The following USP34 variants were observed in gnomAD, a reference collection of about 807,000 sequenced individuals.
USP34 encodes the protein ubiquitin specific peptidase 34.
In USP34, 70 loss-of-function variants were observed where a neutral mutation model predicts 460.3. The observed-to-expected ratio is 0.15, with a 90% CI of 0.13 to 0.19. The LOEUF (loss-of-function observed/expected upper bound fraction) is 0.19. Among genes scored for constraint, USP34 ranks in the 10% least tolerant of loss-of-function variants. USP34 has a pLI of 1.00. For missense variants in USP34, 3,985 were observed against 4,236.2 expected, an observed-to-expected ratio of 0.94 and a Z score of 1.65; for synonymous variants, 1,647 against 1,405.3, an observed-to-expected ratio of 1.17 and a Z score of -3.85.
At chr2:61,290,308 A>C (rs1689812052) in intron 33 of USP34, among the ~76,000 whole-genome samples, 1 of 152,186 alleles carries the variant, frequency 6.6e-6, no homozygotes, top group Non-Finnish European at 1.5e-5. Flanking sequence ...TCTTACACTT[A>C]CCATATTATT....
chr2:61,262,088 C>CAAAAAAAA (rs61651654), intron 43 of USP34, among the ~76,000 whole-genome samples: 4 of 46,826 alleles, frequency 8.5e-5, no homozygotes, highest in African/African-American at 2.1e-4. Context: ...AAGACTTCGT[C>CAAAAAAAA]AAAAAAAAAA....
intron 53 of USP34, among the ~76,000 whole-genome samples, chr2:61,237,927 G>A (rs1056003598): frequency 4.7e-5 from 7 of 149,938 alleles, no homozygotes; most frequent in Admixed American, 2.0e-4. Flanking sequence ...GACAAGTTTC[G>A]TTCTTGTTGC....
chr2:61,222,506 T>G, intron 65 of USP34, 113 bp downstream of exon 65: 1 of 745,938 alleles, frequency 1.3e-6, no homozygotes, highest in Non-Finnish European at 2.2e-6. Context: ...TAGGTTATTA[T>G]GTTATGGGAG....
intron 53 of USP34, among the ~76,000 whole-genome samples, chr2:61,240,874 G>A (rs1212117065): frequency 1.3e-5 from 2 of 152,136 alleles, no homozygotes; most frequent in Non-Finnish European, 2.9e-5. Flanking sequence ...GCGCCTGGGT[G>A]TAAAATACAT....
At chr2:61,214,737 A>C (rs372453904) in intron 67 of USP34, 43 bp from the exon 68 acceptor site, 1 of 1,596,770 alleles carries the variant, frequency 6.3e-7, no homozygotes, top group East Asian at 2.2e-5. Context: ...TGTAAGATAT[A>C]AAATAGACTG....
At chr2:61,392,654 C>A (rs2103896104) in intron 5 of USP34, among the ~76,000 whole-genome samples, 1 of 152,128 alleles carries the variant, frequency 6.6e-6, no homozygotes, top group Non-Finnish European at 1.5e-5. Flanking sequence ...GAAGAAAAAA[C>A]CCTGTAAACG....
chr2:61,331,521 G>A, intron 19 of USP34, 150 bp from the exon 20 acceptor site: 2 of 545,986 alleles, frequency 3.7e-6, no homozygotes, highest in East Asian at 3.2e-5. Context: ...ATATTTGAAT[G>A]GTGAAAAGAT....
At chr2:61,189,268 T>G (rs374235894) in intron 78 of USP34, 199 bp from the exon 79 acceptor site, 26 of 541,836 alleles carry the variant, frequency 4.8e-5, no homozygotes, top group African/African-American at 1.8e-4. Flanking sequence ...TGTTTTTTTT[T>G]TTTGTTTTGT....
chr2:61,263,589 C>G (rs1168022974), intron 43 of USP34, among the ~76,000 whole-genome samples: 1 of 151,948 alleles, frequency 6.6e-6, no homozygotes, highest in East Asian at 1.9e-4. Flanking sequence ...TCAAGGGATT[C>G]TCCTGCCTCA....
At chr2:61,445,845 G>A (rs117948805) in intron 1 of USP34, among the ~76,000 whole-genome samples, 1 of 151,960 alleles carries the variant, frequency 6.6e-6, no homozygotes, top group East Asian at 1.9e-4. Flanking sequence ...CTACTCGGGA[G>A]CCTGAGGCAG....
At chr2:61,202,443 G>A (rs1687003132) in intron 75 of USP34, among the ~76,000 whole-genome samples, 2 of 152,128 alleles carry the variant, frequency 1.3e-5, no homozygotes, top group Admixed American at 1.3e-4. Context: ...TGAGATAGAG[G>A]ACCTCTGGAG....
At chr2:61,220,174 A>AG in intron 67 of USP34, 136 bp downstream of exon 67, 1 of 385,988 alleles carries the variant, frequency 2.6e-6, no homozygotes, top group Non-Finnish European at 3.9e-6. Flanking sequence ...AAAAAAAAAA[A>AG]AAAAAAAAGG....
chr2:61,331,454 C>G, intron 19 of USP34, 83 bp from the exon 20 acceptor site: 2 of 1,118,684 alleles, frequency 1.8e-6, no homozygotes, highest in South Asian at 2.3e-5. Flanking sequence ...ATATGCAAAT[C>G]TAAAAAAAAT....
chr2:61,296,824 T>C lies in USP34; in HGVS notation c.4230A>G (p.Ala1410=). The C allele has an allele frequency of 1.2e-6, 2 of 1,613,150 alleles. No homozygotes were observed. The highest frequency in any genetic ancestry group is 1.7e-6 in the Non-Finnish European group (2 of 1,179,660). The part of the protein sequence containing the change: ...LLPTCPNMLM[A]FQNISDEQSN... The stretch of plus-strand genomic sequence containing the variant: ...CCTGCTCATCTGAGATATTCTGGAA[T>C]GCCATCAACATATTAGGACATGTAG... The change falls in exon 30 of 80, where the codon GCA becomes GCG. Residue 1410 remains alanine, a synonymous_variant. Coordinates refer to ENST00000398571, the MANE Select transcript of USP34 (RefSeq NM_014709.4).
intron 41 of USP34, chr2:61,277,744 A>T (rs995680589): frequency 1.3e-5 from 2 of 156,884 alleles, no homozygotes; most frequent in African/African-American, 4.8e-5. Flanking sequence ...GTCTCCACCC[A>T]AATCTCATCT....
At chr2:61,259,899 A>G in intron 43 of USP34, 123 bp from the exon 44 acceptor site, 1 of 746,972 alleles carries the variant, frequency 1.3e-6, no homozygotes, top group Non-Finnish European at 2.1e-6. Context: ...TATATAAAAG[A>G]AAAACACCAA....
chr2:61,343,888 A>G lies in USP34; in HGVS notation c.2427T>C (p.His809=). 6.2e-7 allele frequency: 1 copy of G among 1,614,028 alleles called. No individual in the cohort carries two copies. The highest frequency in any genetic ancestry group is 8.5e-7 in the Non-Finnish European group (1 of 1,179,936). The part of the protein sequence containing the change: ...CEEELVQINS[H]AELTSHLQQH... ...GTTGGAGGTGAGATGTCAGTTCCGCATGTGAATTAATCTGAACTAGCTCCT... is the reference window on the plus strand; with the variant it reads ...GTTGGAGGTGAGATGTCAGTTCCGCGTGTGAATTAATCTGAACTAGCTCCT... The change falls in exon 16 of 80, where the codon CAT becomes CAC. Residue 809 remains histidine, a synonymous_variant. Transcript: ENST00000398571.
rs137987069 is a variant in USP34 at position 61,359,477 on chromosome 2, T to A, written c.1252-8784A>T. On this transcript the variant is annotated intron_variant, in intron 10 of 79. Transcript: ENST00000398571. ...AATACTTAAAAGAAAAATCTTTTTT[T>A]AAAAACCCTTAGAAGGAAAAGATAA... 2.9e-3 allele frequency among the ~76,000 whole-genome samples: 435 copies of A among 152,326 alleles called. 3 individuals carry two copies. Among genetic ancestry groups the A allele is most frequent in the African/African-American group, 8.8e-3 (364 of 41,594 alleles).
intron 1 of USP34, among the ~76,000 whole-genome samples, chr2:61,436,928 T>G (rs892278523): frequency 6.6e-6 from 1 of 152,172 alleles, no homozygotes; most frequent in African/African-American, 2.4e-5. Context: ...TTAAACAACA[T>G]GCTCCTGAAT....
Sources: gnomAD v4.1 joint callset for allele counts (sites outside exome capture counted in the v4.1 genomes callset) on GRCh38, gnomAD v4.1.1 for gene constraint, MANE v1.5 for transcripts, NCBI Gene and HGNC (gene_info 2026-07-23, HGNC 2026-07-21) for gene names.